Variants in RXFP2 observed in about 807,000 individuals in gnomAD.
The protein encoded by RXFP2 is relaxin receptor 2.
RXFP2 carries 68 observed loss-of-function variants against 88.6 expected under a neutral mutation model. The ratio of observed to expected loss-of-function variants is 0.77; its 90% CI spans 0.63 to 0.94. The LOEUF (loss-of-function observed/expected upper bound fraction) is 0.94. RXFP2 is among the 40% of genes least tolerant of loss of function. The probability of loss-of-function intolerance (pLI) is 0.00; values close to 1 mark genes in which losing one functional copy is unlikely to be tolerated. For synonymous variants in RXFP2, 329 were observed against 306.8 expected (o/e 1.07, Z -0.76); for missense variants, 791 against 893.9 (o/e 0.88, Z 1.47).
chr13:31,780,664 C>T (rs570655719), intron 9 of RXFP2, among the ~76,000 whole-genome samples: 43 of 152,292 alleles, frequency 2.8e-4, no homozygotes, highest in African/African-American at 1.0e-3. Flanking sequence ...AATCAGGAGA[C>T]TTGGCAGAAA....
chr13:31,798,600 C>G (rs1440513359), intron 17 of RXFP2, among the ~76,000 whole-genome samples: 1 of 152,206 alleles, frequency 6.6e-6, no homozygotes, highest in Non-Finnish European at 1.5e-5. Context: ...TACACCCTAA[C>G]CTTTCAAATT....
At chr13:31,757,308 C>G (rs980578363) in intron 1 of RXFP2, among the ~76,000 whole-genome samples, 1 of 152,304 alleles carries the variant, frequency 6.6e-6, no homozygotes, top group Non-Finnish European at 1.5e-5. Context: ...CCCTGTGTCA[C>G]TTCCCAGACA....
Position 31,765,984 on chromosome 13 carries a change from C to A in RXFP2, c.454C>A (p.Leu152Ile). The A allele has an allele frequency of 6.5e-7, 1 of 1,547,974 alleles. No individual in the cohort carries two copies. Among genetic ancestry groups the A allele is most frequent in the Non-Finnish European group, 8.9e-7 (1 of 1,121,904 alleles). The change falls in exon 5 of 18, where the codon CTT becomes ATT. Residue 152 changes from leucine (L) to isoleucine (I), a missense_variant. Transcript: ENST00000298386. ...LSLKKNKIHSLPDKVFIKYTK... is the reference protein window; with the variant it reads ...LSLKKNKIHSIPDKVFIKYTK... ...TCTTAAGAAAAACAAAATCCACAGT[C>A]TTCCAGATAAAGTTTTCATCAAATA...
At position 31,774,651 on chromosome 13, in the gene RXFP2, T is replaced by C; in HGVS notation, c.529T>C (p.Ser177Pro). 6.4e-7 allele frequency: 1 copy of C among 1,562,316 alleles called. No individual in the cohort carries two copies. Among genetic ancestry groups the C allele is most frequent in the Non-Finnish European group, 8.8e-7 (1 of 1,132,974 alleles). ...TCAGCATAATTGCATTAGACACATA[T>C]CCAGGAAAGCATTTTTTGGATTATG... ...FLQHNCIRHI[S>P]RKAFFGLCNL... The change falls in exon 6 of 18, where the codon TCC (serine) becomes CCC (proline). Residue 177 changes from serine (S) to proline (P), a missense_variant. Ser to Pro is a moderately conservative substitution (Grantham distance 74). Coordinates refer to ENST00000298386, the MANE Select transcript of RXFP2 (RefSeq NM_130806.5).
intron 14 of RXFP2, among the ~76,000 whole-genome samples, chr13:31,791,044 G>A (rs1044854144): frequency 1.3e-5 from 2 of 152,320 alleles, no homozygotes; most frequent in East Asian, 3.9e-4. Context: ...GCAAAGAGCA[G>A]AAAAGTGAAC....
chr13:31,761,608 C>T (rs1872305565), intron 2 of RXFP2, 116 bp from the exon 3 acceptor site: 1 of 708,668 alleles, frequency 1.4e-6, no homozygotes, highest in Non-Finnish European at 2.5e-6. Flanking sequence ...TTTAAAATAT[C>T]AATAATTCTA....
At chr13:31,743,105 T>C (rs1871278736) in intron 1 of RXFP2, among the ~76,000 whole-genome samples, 2 of 152,208 alleles carry the variant, frequency 1.3e-5, no homozygotes. Flanking sequence ...AGAAAAGTGC[T>C]CCGAAGCGAA....
At chr13:31,755,026 C>T (rs1282922261) in intron 1 of RXFP2, among the ~76,000 whole-genome samples, 2 of 152,228 alleles carry the variant, frequency 1.3e-5, no homozygotes, top group East Asian at 3.8e-4. Flanking sequence ...CTCACCACTT[C>T]ATAAGCATCA....
At chr13:31,793,243 T>C (rs1002287890) in intron 16 of RXFP2, among the ~76,000 whole-genome samples, 155 bp downstream of exon 16, 6 of 152,340 alleles carry the variant, frequency 3.9e-5, no homozygotes, top group Admixed American at 3.9e-4. Flanking sequence ...TTGTGTTTAT[T>C]GAAGTTTTAT....
Position 31,802,234 on chromosome 13 carries a change from T to C in RXFP2, c.2094T>C (p.Phe698=). ...TCTATACTCTCACAACCAACTTTTT[T>C]AAGGACAAGTTGAAACAGCTGCTGC... ...PILYTLTTNF[F]KDKLKQLLHK... The change falls in exon 18 of 18, where the codon TTT becomes TTC. Residue 698 remains phenylalanine, a synonymous_variant. Transcript: ENST00000298386. The C allele has an allele frequency of 6.2e-7, 1 of 1,614,044 alleles. No homozygotes were observed. Among genetic ancestry groups the C allele is most frequent in the Non-Finnish European group, 8.5e-7 (1 of 1,179,956 alleles).
intron 7 of RXFP2, among the ~76,000 whole-genome samples, chr13:31,777,029 G>T (rs1873019496): frequency 6.6e-6 from 1 of 152,146 alleles, no homozygotes; most frequent in African/African-American, 2.4e-5. Context: ...CCAATTAGTA[G>T]GTTAAGGCAT....
chr13:31,786,667 A>T (rs1566233142), intron 13 of RXFP2, 30 bp downstream of exon 13: 1 of 1,343,158 alleles, frequency 7.4e-7, no homozygotes, highest in Non-Finnish European at 1.1e-6. Flanking sequence ...TATATTGATT[A>T]TAATTTTAGT....
chr13:31,741,321 G>C (rs945088817), intron 1 of RXFP2, among the ~76,000 whole-genome samples: 2 of 151,720 alleles, frequency 1.3e-5, no homozygotes, highest in African/African-American at 4.8e-5. Flanking sequence ...TATTACTTTT[G>C]ACTACTAATT....
In RXFP2 at chr13:31,761,889, C is replaced by G. The variant is rs140976146; in HGVS notation, c.319+88C>G. The G allele has an allele frequency of 6.6e-6, 6 of 903,478 alleles. 1 individual carries two copies. The East Asian group carries it at 1.3e-4, about 19-fold the overall frequency. The allele number at this position is 903,478 out of a possible 1,614,324, so 56.0% of individuals were successfully genotyped here. ...ATTTATATGGGTAATGTGACAAATTCCCTTCAGAATTTCCGTTTTAGTTCA... is the reference window on the plus strand; with the variant it reads ...ATTTATATGGGTAATGTGACAAATTGCCTTCAGAATTTCCGTTTTAGTTCA... On this transcript the variant is annotated intron_variant, in intron 3 of 17. Coordinates refer to ENST00000298386, the MANE Select transcript of RXFP2 (RefSeq NM_130806.5).
intron 11 of RXFP2, among the ~76,000 whole-genome samples, chr13:31,783,148 A>G (rs1315977517): frequency 6.6e-6 from 1 of 152,218 alleles, no homozygotes; most frequent in Admixed American, 6.5e-5. Flanking sequence ...GAACAAAGGA[A>G]CAAATATGCT....
intron 1 of RXFP2, among the ~76,000 whole-genome samples, chr13:31,752,146 C>T (rs960032171): frequency 2.6e-5 from 4 of 152,212 alleles, no homozygotes; most frequent in Middle Eastern, 6.8e-3. Flanking sequence ...GTTTGAAATT[C>T]TCTTTTTTTC....
intron 1 of RXFP2, among the ~76,000 whole-genome samples, chr13:31,742,443 A>C (rs914665586): frequency 3.3e-5 from 5 of 152,196 alleles, no homozygotes; most frequent in African/African-American, 1.2e-4. Context: ...GTGAAAATCA[A>C]TTATGTTTCA....
chr13:31,743,625 C>T (rs777628533), intron 1 of RXFP2, among the ~76,000 whole-genome samples: 9 of 151,930 alleles, frequency 5.9e-5, no homozygotes, highest in Non-Finnish European at 8.8e-5. Flanking sequence ...CCCCTTGCTC[C>T]TGTTCAAGCC....
intron 17 of RXFP2, among the ~76,000 whole-genome samples, chr13:31,798,027 C>A (rs530816839): frequency 6.6e-6 from 1 of 152,302 alleles, no homozygotes; most frequent in South Asian, 2.1e-4. Context: ...GGCCACCACC[C>A]AGGGCTTTAA....
Sources: allele counts gnomAD v4.1 joint callset (sites outside exome capture counted in the v4.1 genomes callset), GRCh38; gene constraint gnomAD v4.1.1; transcripts MANE v1.5; gene names NCBI Gene and HGNC (gene_info 2026-07-23, HGNC 2026-07-21).